Variants in COL11A1 observed in about 807,000 individuals in gnomAD.
COL11A1 encodes collagen alpha-1(XI) chain.
A neutral mutation model predicts 265.2 loss-of-function variants in COL11A1; 74 were observed. That is an observed-to-expected ratio of 0.28 (90% CI 0.23 to 0.34). The LOEUF is 0.34. Ranked by LOEUF, COL11A1 falls within the 10% of genes least tolerant of loss-of-function variation. The pLI is 1.00. For missense variants in COL11A1, 2,165 were observed against 2,263.6 expected (o/e 0.96, Z 0.88); for synonymous variants, 816 against 727.6 (o/e 1.12, Z -1.96).
intron 4 of COL11A1, among the ~76,000 whole-genome samples, chr1:103,055,251 AC>A (rs1272498304): frequency 6.6e-6 from 1 of 152,202 alleles, no homozygotes; most frequent in African/African-American, 2.4e-5. Context: ...CTTGTTAGAT[AC>A]TGTATGATAC....
intron 4 of COL11A1, among the ~76,000 whole-genome samples, chr1:103,049,688 C>CAT (rs1285533094): frequency 3.3e-5 from 5 of 152,288 alleles, no homozygotes; most frequent in African/African-American, 1.2e-4. Flanking sequence ...CAGTTTCTTC[C>CAT]TAGCCTTGAT....
In COL11A1 at chr1:102,888,610, A is replaced by G. The variant is rs1185621900; in HGVS notation, c.4575T>C (p.Gly1525=). 6.2e-7 allele frequency: 1 copy of G among 1,613,730 alleles called. No individual in the cohort carries two copies. Among genetic ancestry groups the G allele is most frequent in the South Asian group, 1.1e-5 (1 of 91,086 alleles). ...CAGGAGGCCCTGGAAGACCACTGTC[A>G]CCTTTCTGGCCAGCGGGTCCCTGTT... The part of the protein sequence containing the change: ...KGSTGPAGQK[G]DSGLPGPPGS... Residue 1525 remains glycine (G), a synonymous_variant, in exon 62 of 67, where the codon GGT becomes GGC. Transcript: ENST00000370096.
chr1:103,021,598 G>T (rs1667080886), intron 9 of COL11A1, 109 bp downstream of exon 9: 7 of 765,648 alleles, frequency 9.1e-6, no homozygotes, highest in South Asian at 1.4e-5. Context: ...CAAACATCTG[G>T]ACATCAAGAT....
chr1:102,962,162 G>C lies in COL11A1; in HGVS notation c.3114+14C>G, dbSNP rs1660972885. On this transcript the variant is annotated intron_variant, in intron 40 of 66. Coordinates refer to ENST00000370096, the MANE Select transcript of COL11A1 (RefSeq NM_001854.4). ...TGGAATCACTTGCTTTATCTATATAGATATTGATTATACCTGAGCTCCAGG... is the reference window on the plus strand; with the variant it reads ...TGGAATCACTTGCTTTATCTATATACATATTGATTATACCTGAGCTCCAGG... 6.3e-7 allele frequency: 1 copy of C among 1,579,566 alleles called. No homozygotes were observed. The highest frequency in any genetic ancestry group is 1.3e-5 in the African/African-American group (1 of 74,138).
chr1:103,056,765 T>C (rs1457479253), intron 4 of COL11A1, among the ~76,000 whole-genome samples: 1 of 152,152 alleles, frequency 6.6e-6, no homozygotes, highest in Non-Finnish European at 1.5e-5. Context: ...ATTGCCAAGA[T>C]TTTTTTCAGT....
intron 41 of COL11A1, among the ~76,000 whole-genome samples, chr1:102,949,722 A>G (rs1413255693): frequency 6.6e-6 from 1 of 152,174 alleles, no homozygotes. Context: ...AGTATTTTCT[A>G]CAACGCTTAG....
rs1342847383 is a variant in COL11A1 at position 102,965,354 on chromosome 1, T to A, written c.2916+133A>T. 4 of 943,436 alleles carry A rather than the reference T, an allele frequency of 4.2e-6. No individual in the cohort carries two copies. In the African/African-American group the frequency reaches 5.0e-5, roughly 12 times the overall value. 58.4% of individuals were successfully genotyped at this position (943,436 alleles called of 1,614,324 possible). On this transcript the variant is annotated intron_variant, in intron 38 of 66. Transcript: ENST00000370096. ...ATTTGATGTACGAAAGCTGCATATA[T>A]TTAAATGCAATCTGAAATAAAAAAT... is the stretch of plus-strand genomic sequence containing the variant.
chr1:102,994,241 C>A (rs745882624), intron 28 of COL11A1, among the ~76,000 whole-genome samples: 3 of 152,062 alleles, frequency 2.0e-5, no homozygotes, highest in Non-Finnish European at 4.4e-5. Flanking sequence ...TATTTACCCA[C>A]CCAAATCTCA....
At chr1:103,059,446 T>C (rs546970723) in intron 4 of COL11A1, among the ~76,000 whole-genome samples, 117 of 152,056 alleles carry the variant, frequency 7.7e-4, no homozygotes, top group South Asian at 5.8e-3. Context: ...TTTTACCCAG[T>C]GCATCATGTT....
intron 1 of COL11A1, among the ~76,000 whole-genome samples, chr1:103,085,498 C>T (rs528364293): frequency 1.3e-5 from 2 of 151,092 alleles, no homozygotes; most frequent in East Asian, 4.0e-4. Flanking sequence ...AACATGTAAT[C>T]GCCACATAGT....
intron 28 of COL11A1, 34 bp from the exon 29 acceptor site, chr1:102,989,605 TA>T: frequency 6.8e-7 from 1 of 1,477,898 alleles, no homozygotes; most frequent in Non-Finnish European, 9.5e-7. Context: ...AATAGGAGTT[TA>T]ATCAGTCCTT....
At chr1:102,976,733 A>G (rs1291081003) in intron 35 of COL11A1, among the ~76,000 whole-genome samples, 1 of 152,192 alleles carries the variant, frequency 6.6e-6, no homozygotes, top group Non-Finnish European at 1.5e-5. Flanking sequence ...AGCTTTAAAT[A>G]AATAATGAAT....
At chr1:102,980,666 C>T (rs1236405199) in intron 31 of COL11A1, among the ~76,000 whole-genome samples, 6 of 151,744 alleles carry the variant, frequency 4.0e-5, no homozygotes, top group African/African-American at 1.2e-4. Flanking sequence ...TTTTTTTAAT[C>T]CACTCACTTG....
intron 13 of COL11A1, among the ~76,000 whole-genome samples, chr1:103,013,444 T>C (rs1666293543): frequency 6.6e-6 from 1 of 152,086 alleles, no homozygotes; most frequent in African/African-American, 2.4e-5. Flanking sequence ...TACCTTAAAA[T>C]CGTTCAAAAG....
intron 35 of COL11A1, 127 bp downstream of exon 35, chr1:102,978,581 A>T: frequency 9.8e-7 from 1 of 1,023,882 alleles, no homozygotes; most frequent in African/African-American, 1.6e-5. Flanking sequence ...AAGCGTTTTT[A>T]AATTCAGACT....
intron 36 of COL11A1, among the ~76,000 whole-genome samples, chr1:102,974,203 A>G (rs1557890903): frequency 1.3e-5 from 2 of 152,202 alleles, no homozygotes; most frequent in Non-Finnish European, 2.9e-5. Context: ...AAAACAAAAA[A>G]GACCCCAGTA....
At chr1:103,071,396 A>G (rs10874675) in intron 4 of COL11A1, among the ~76,000 whole-genome samples, 140,946 of 150,482 alleles carry the variant, frequency 0.94, 66,218 homozygotes, top group East Asian at 1. Flanking sequence ...TTCTAATTTA[A>G]TTTTCCTCAC....
Position 103,012,408 on chromosome 1 carries a change from C to A in COL11A1, c.1629+5G>T. The A allele has an allele frequency of 6.2e-7, 1 of 1,612,328 alleles. No individual in the cohort carries two copies. Among genetic ancestry groups the A allele is most frequent in the Non-Finnish European group, 8.5e-7 (1 of 1,178,554 alleles). ...ACATATATTATCTTTGTTGGGGTAA[C>A]CTACCACAGGACCTGGTCTTCCAGT... is the stretch of plus-strand genomic sequence containing the variant. On this transcript the variant is annotated splice_donor_5th_base_variant and intron_variant, in intron 14 of 66. Transcript: ENST00000370096.
chr1:103,063,269 A>T (rs1056149143), intron 4 of COL11A1, among the ~76,000 whole-genome samples: 1 of 152,096 alleles, frequency 6.6e-6, no homozygotes, highest in African/African-American at 2.4e-5. Flanking sequence ...TCAATATTAA[A>T]GGTAAAGAAC....
Sources: gnomAD v4.1 joint callset for allele counts (sites outside exome capture counted in the v4.1 genomes callset) on GRCh38, gnomAD v4.1.1 for gene constraint, MANE v1.5 for transcripts, NCBI Gene and HGNC (gene_info 2026-07-23, HGNC 2026-07-21) for gene names.